PDE4D: variants seen among roughly 807,000 people sequenced by gnomAD.
PDE4D encodes the protein 3',5'-cyclic-AMP phosphodiesterase 4D.
In PDE4D, 24 loss-of-function variants were observed where a neutral mutation model predicts 87.4. The observed-to-expected ratio is 0.27, with a 90% CI of 0.20 to 0.39. PDE4D has a LOEUF of 0.39. PDE4D is among the 10% of genes least tolerant of loss of function. The pLI is 1.00. For missense variants in PDE4D, 714 were observed against 1,041.0 expected (o/e 0.69, Z 4.32); for synonymous variants, 384 against 383.2 (o/e 1.00, Z -0.02).
intron 1 of PDE4D, among the ~76,000 whole-genome samples, chr5:60,335,328 G>T (rs996213504): frequency 7.2e-5 from 11 of 152,232 alleles, no homozygotes; most frequent in Admixed American, 6.5e-4. Context: ...AGTGAAGTCA[G>T]AGAGTGAAAA....
intron 1 of PDE4D, among the ~76,000 whole-genome samples, chr5:60,309,473 A>T (rs1754806986): frequency 6.6e-6 from 1 of 152,186 alleles, no homozygotes; most frequent in South Asian, 2.1e-4. Context: ...ATATATTTGA[A>T]ATAGGTAATC....
chr5:59,039,397 C>T, intron 5 of PDE4D: 3 of 1,007,658 alleles, frequency 3.0e-6, no homozygotes, highest in African/African-American at 1.7e-5. Flanking sequence ...GGTCCACAGC[C>T]GGATCTCCTC....
intron 1 of PDE4D, among the ~76,000 whole-genome samples, chr5:59,358,411 T>C (rs766062038): frequency 4.6e-5 from 7 of 152,146 alleles, no homozygotes; most frequent in Admixed American, 1.3e-4. Flanking sequence ...GATCCAAATT[T>C]CGCATGAGCA....
At chr5:59,032,435 C>T (rs1431234518) in intron 6 of PDE4D, among the ~76,000 whole-genome samples, 1 of 152,106 alleles carries the variant, frequency 6.6e-6, no homozygotes, top group African/African-American at 2.4e-5. Flanking sequence ...CAAAAATTAG[C>T]TGGGCATGGT....
intron 5 of PDE4D, among the ~76,000 whole-genome samples, chr5:59,040,656 A>G (rs1759529642): frequency 6.6e-6 from 1 of 152,244 alleles, no homozygotes; most frequent in African/African-American, 2.4e-5. Flanking sequence ...TTAGCATGCA[A>G]TAAGCAAACC....
chr5:60,322,415 C>CACACAA lies in PDE4D; in HGVS notation c.-89-136729_-89-136728insTTGTGT, dbSNP rs139919004. On this transcript the variant is annotated intron_variant, in intron 1 of 16. Coordinates refer to the PDE4D transcript ENST00000502484. ...ACACACACACACACACACACACACA[C>CACACAA]AAAACCCTAACATATTTCAAACTTT... 5.1e-5 allele frequency among the ~76,000 whole-genome samples: 7 copies of CACACAA among 136,280 alleles called. No homozygotes were observed. In the East Asian group the frequency reaches 6.6e-4, roughly 13 times the overall value. The allele number at this position is 136,280 out of a possible 152,430, so 89.4% of individuals were successfully genotyped here. A position where few individuals can be genotyped will look rare whatever the true frequency, so the allele number is the denominator to read the frequency against.
intron 1 of PDE4D, among the ~76,000 whole-genome samples, chr5:59,637,184 A>C (rs1268189226): frequency 2.6e-5 from 4 of 152,202 alleles, no homozygotes; most frequent in African/African-American, 9.6e-5. Flanking sequence ...GCAAATCAAA[A>C]CTACAATGAG....
At chr5:59,623,480 C>G (rs868332116) in intron 1 of PDE4D, among the ~76,000 whole-genome samples, 1 of 152,186 alleles carries the variant, frequency 6.6e-6, no homozygotes, top group Non-Finnish European at 1.5e-5. Context: ...AGCCCTGCAT[C>G]CCAGTGCTTG....
intron 1 of PDE4D, among the ~76,000 whole-genome samples, chr5:59,350,242 T>A (rs1482317662): frequency 6.6e-6 from 1 of 152,128 alleles, no homozygotes; most frequent in South Asian, 2.1e-4. Context: ...CTGCAAGAAG[T>A]GTGCTCTGAA....
intron 6 of PDE4D, among the ~76,000 whole-genome samples, chr5:59,005,855 T>C (rs1357872649): frequency 1.3e-5 from 2 of 152,220 alleles, no homozygotes; most frequent in African/African-American, 4.8e-5. Flanking sequence ...CATCATATAA[T>C]TAGGCTGATG....
Position 59,839,416 on chromosome 5 carries a change from G to C in PDE4D, c.455+53752C>G, listed in dbSNP as rs543553159. Among the ~76,000 whole-genome samples the C allele has an allele frequency of 2.6e-5, 4 of 151,800 alleles. No individual in the cohort carries two copies. The South Asian group carries it at 6.3e-4, about 24-fold the overall frequency. Reference sequence around the variant, plus strand: ...AGTTTTTGGGGTTTTTTGTTTGTTTGTTTTTTGTTTTTTGTTTTTCAGGTT... The same window carrying C: ...AGTTTTTGGGGTTTTTTGTTTGTTTCTTTTTTGTTTTTTGTTTTTCAGGTT... On this transcript the variant is annotated intron_variant, in intron 1 of 14. Transcript: ENST00000340635.
chr5:58,990,004 AC>A, intron 9 of PDE4D, 85 bp from the exon 10 acceptor site: 1 of 789,098 alleles, frequency 1.3e-6, no homozygotes, highest in Non-Finnish European at 2.1e-6. Flanking sequence ...AAAATCACAC[AC>A]CAGTGTTGCC....
chr5:58,993,149 G>C (rs1212062066), intron 7 of PDE4D, among the ~76,000 whole-genome samples: 3 of 152,014 alleles, frequency 2.0e-5, no homozygotes, highest in Admixed American at 2.0e-4. Flanking sequence ...CTTAATTCAA[G>C]AATTCCTAAA....
chr5:59,373,142 C>T (rs1018617482), intron 1 of PDE4D, among the ~76,000 whole-genome samples: 14 of 152,116 alleles, frequency 9.2e-5, no homozygotes, highest in Admixed American at 5.2e-4. Context: ...TCCAAACAAC[C>T]GTGTCCCTTC....
chr5:59,210,625 C>A (rs1749865550), intron 2 of PDE4D, among the ~76,000 whole-genome samples: 1 of 152,178 alleles, frequency 6.6e-6, no homozygotes. Flanking sequence ...TATGCCCCAG[C>A]TTTTTATGGT....
intron 3 of PDE4D, among the ~76,000 whole-genome samples, chr5:59,942,138 T>C (rs370082666): frequency 2.6e-4 from 39 of 152,374 alleles, no homozygotes; most frequent in African/African-American, 9.1e-4. Context: ...TTATTGAATT[T>C]TCATAAATGT....
rs116054032 is a variant in PDE4D at position 60,444,477 on chromosome 5, C to T, written c.-90+43465G>A. Among the ~76,000 whole-genome samples the T allele has an allele frequency of 5.3e-3, 808 of 152,126 alleles. 8 individuals are homozygous for T. The highest frequency in any genetic ancestry group is 0.019 in the African/African-American group (781 of 41,496). On this transcript the variant is annotated intron_variant, in intron 1 of 16. Coordinates refer to the PDE4D transcript ENST00000502484. ...AGTAGAGGAGGAAGAGTAGAAGAGT[C>T]ACGGTAAAATACAGATTAAGTACAG...
At chr5:59,032,621 C>T (rs191851397) in intron 6 of PDE4D, among the ~76,000 whole-genome samples, 1 of 152,284 alleles carries the variant, frequency 6.6e-6, no homozygotes. Flanking sequence ...ACTGTAAATT[C>T]TTAAAGAATA....
intron 2 of PDE4D, among the ~76,000 whole-genome samples, chr5:60,136,840 G>A (rs182766702): frequency 1.2e-4 from 18 of 152,000 alleles, no homozygotes; most frequent in Middle Eastern, 3.4e-3. Flanking sequence ...GTACATGTGC[G>A]GGATGTGCAG....
Sources: gnomAD v4.1 joint callset for allele counts (sites outside exome capture counted in the v4.1 genomes callset) on GRCh38, gnomAD v4.1.1 for gene constraint, MANE v1.5 for transcripts, NCBI Gene and HGNC (gene_info 2026-07-23, HGNC 2026-07-21) for gene names.